The following KIF13B variants were observed in gnomAD, a reference collection of about 807,000 sequenced individuals.
KIF13B encodes kinesin-like protein KIF13B.
A neutral mutation model predicts 222.0 loss-of-function variants in KIF13B; 127 were observed. The ratio of observed to expected loss-of-function variants is 0.57; its 90% CI spans 0.50 to 0.66. The LOEUF (loss-of-function observed/expected upper bound fraction) is 0.66, where lower values mean the gene tolerates loss of function less well. KIF13B is among the 30% of genes least tolerant of loss of function. KIF13B has a pLI of 0.00. For missense variants in KIF13B, 2,173 were observed against 2,379.0 expected (o/e 0.91, Z 1.80); for synonymous variants, 976 against 919.0 (o/e 1.06, Z -1.12).
chr8:29,238,461 G>T (rs1427111379), intron 2 of KIF13B, among the ~76,000 whole-genome samples: 1 of 152,184 alleles, frequency 6.6e-6, no homozygotes, highest in Non-Finnish European at 1.5e-5. Flanking sequence ...ATTACCTAAT[G>T]ATACTGACTA....
intron 24 of KIF13B, among the ~76,000 whole-genome samples, chr8:29,129,069 C>T (rs763825474): frequency 6.6e-6 from 1 of 152,034 alleles, no homozygotes; most frequent in South Asian, 2.1e-4. Flanking sequence ...GTGAAAATTG[C>T]GGTTTTTGCC....
At chr8:29,203,668 G>A (rs1301218920) in intron 2 of KIF13B, among the ~76,000 whole-genome samples, 3 of 151,992 alleles carry the variant, frequency 2.0e-5, no homozygotes, top group Non-Finnish European at 2.9e-5. Context: ...TGAGGCAGGC[G>A]GATCACAAGG....
chr8:29,186,732 G>T (rs1476917022), intron 5 of KIF13B, among the ~76,000 whole-genome samples: 2 of 152,070 alleles, frequency 1.3e-5, no homozygotes, highest in Admixed American at 1.3e-4. Flanking sequence ...GCTGAGGTGG[G>T]CAGATTGCCT....
At chr8:29,145,894 A>G (rs1811040196) in intron 18 of KIF13B, 1 of 157,396 alleles carries the variant, frequency 6.4e-6, no homozygotes, top group East Asian at 1.9e-4. Flanking sequence ...ACATTTTATT[A>G]AATTTATTAT....
chr8:29,196,572 A>T (rs983503928), intron 2 of KIF13B, among the ~76,000 whole-genome samples: 1 of 152,152 alleles, frequency 6.6e-6, no homozygotes, highest in African/African-American at 2.4e-5. Flanking sequence ...AGTTCCAAGT[A>T]GTTTTCTCTG....
At chr8:29,139,647 G>C (rs1462386571) in intron 21 of KIF13B, among the ~76,000 whole-genome samples, 1 of 152,170 alleles carries the variant, frequency 6.6e-6, no homozygotes, top group Non-Finnish European at 1.5e-5. Context: ...CTGGGAAAGA[G>C]GACTGGTTCT....
intron 31 of KIF13B, 35 bp downstream of exon 31, chr8:29,116,796 T>G (rs1011405466): frequency 6.4e-6 from 10 of 1,569,136 alleles, no homozygotes; most frequent in Non-Finnish European, 7.0e-6. Context: ...AGGTCGCAAC[T>G]GTGGTTAGAG....
intron 14 of KIF13B, among the ~76,000 whole-genome samples, chr8:29,152,567 C>A (rs1289585890): frequency 1.3e-5 from 2 of 152,040 alleles, no homozygotes; most frequent in African/African-American, 4.8e-5. Context: ...AAGGCTACCC[C>A]CTGCTGAAGG....
At position 29,132,361 on chromosome 8, in the gene KIF13B, G is replaced by T; in HGVS notation, c.2889C>A (p.Pro963=). Residue 963 remains proline (P), a synonymous_variant, in exon 23 of 40, where the codon CCC becomes CCA. Transcript: ENST00000524189. ...GGATGATTCCCAAATCCCACAGGGC[G>T]GGGTTTTTCCGGGGATCGTTTATTT... ...GHKINDPRKN[P]ALWDLGIIQA... is the part of the protein sequence containing the mutation. The T allele has an allele frequency of 1.3e-6, 2 of 1,591,836 alleles. No individual in the cohort carries two copies. The highest frequency in any genetic ancestry group is 1.7e-6 in the Non-Finnish European group (2 of 1,168,146).
At chr8:29,237,133 T>C (rs1815546774) in intron 2 of KIF13B, among the ~76,000 whole-genome samples, 1 of 152,156 alleles carries the variant, frequency 6.6e-6, no homozygotes, top group South Asian at 2.1e-4. Flanking sequence ...TCATGTCACA[T>C]TTCCTCAAGG....
intron 26 of KIF13B, among the ~76,000 whole-genome samples, chr8:29,124,612 A>C (rs760676792): frequency 6.6e-6 from 1 of 152,068 alleles, no homozygotes; most frequent in Non-Finnish European, 1.5e-5. Flanking sequence ...GGCCAGGCGC[A>C]GTGGCTCACA....
At chr8:29,186,520 A>C in intron 5 of KIF13B, 48 bp from the exon 6 acceptor site, 1 of 1,476,302 alleles carries the variant, frequency 6.8e-7, no homozygotes, top group South Asian at 1.2e-5. Flanking sequence ...GAGACGTTAA[A>C]TACATAACCC....
At chr8:29,149,645 A>C (rs917249981) in intron 15 of KIF13B, among the ~76,000 whole-genome samples, 7 of 152,208 alleles carry the variant, frequency 4.6e-5, no homozygotes, top group Admixed American at 3.3e-4. Flanking sequence ...TGAACAGGAC[A>C]GTCAGGGCTA....
chr8:29,206,545 T>TA (rs1402195023), intron 2 of KIF13B, among the ~76,000 whole-genome samples: 4 of 152,310 alleles, frequency 2.6e-5, no homozygotes, highest in Non-Finnish European at 5.9e-5. Context: ...AAAAACAGCT[T>TA]AACTGAAGAT....
chr8:29,100,952 C>T (rs999221621), intron 35 of KIF13B, among the ~76,000 whole-genome samples: 3 of 152,270 alleles, frequency 2.0e-5, no homozygotes, highest in African/African-American at 7.2e-5. Flanking sequence ...GAGAATGCCA[C>T]TTTTCCCTAG....
At chr8:29,099,354 A>G in intron 35 of KIF13B, 113 bp from the exon 36 acceptor site, 1 of 711,826 alleles carries the variant, frequency 1.4e-6, no homozygotes, top group Non-Finnish European at 2.4e-6. Context: ...GCTCCTTTGA[A>G]TATAAGCTTG....
chr8:29,071,826 G>A lies in KIF13B; in HGVS notation c.5012C>T (p.Pro1671Leu), dbSNP rs989640527. ...RMLAGDPGCS[P>L]GAEGNAPAPG... ...GGCCGGCGCATTCCCCTCGGCCCCC[G>A]GGGAGCAGCCGGGGTCCCCAGCCAG... Residue 1671 changes from proline to leucine, a missense_variant, in exon 39 of 40, where the codon CCG becomes CTG. Pro to Leu is a moderately conservative substitution (Grantham distance 98, BLOSUM62 -3). Around this residue, in one of 2 missense-constraint regions of KIF13B, gnomAD observed 693 missense variants for 656.2 expected, o/e 1.06. Transcript: ENST00000524189. This position sits in a 1 kb window ranked among gnomAD's most constrained non-coding sequence, Gnocchi z 4.9. The A allele has an allele frequency of 7.1e-6, 11 of 1,542,124 alleles. No homozygotes were observed. The East Asian group carries it at 9.8e-5, about 14-fold the overall frequency.
At position 29,146,578 on chromosome 8, in the gene KIF13B, G is replaced by A. The variant is rs368320165; in HGVS notation, c.2025-38C>T. On this transcript the variant is annotated intron_variant, in intron 17 of 39. Coordinates refer to ENST00000524189, the MANE Select transcript of KIF13B (RefSeq NM_015254.4). ...AAAGAAGCGGCAGAGGTAGGGAAGA[G>A]ATTAACACAAAGCAGCTAGTCAGAA... 423 of 1,576,024 alleles carry A rather than the reference G, an allele frequency of 2.7e-4. 2 individuals carry two copies. In the African/African-American group the frequency reaches 5.1e-3, roughly 19 times the overall value.
At chr8:29,258,283 C>T (rs1289218802) in intron 1 of KIF13B, among the ~76,000 whole-genome samples, 1 of 152,286 alleles carries the variant, frequency 6.6e-6, no homozygotes, top group East Asian at 1.9e-4. Context: ...TAATTTTGAC[C>T]GACTTCCTTA....
Sources: allele counts gnomAD v4.1 joint callset (sites outside exome capture counted in the v4.1 genomes callset), GRCh38; gene constraint gnomAD v4.1.1; regional missense constraint gnomAD v4.1.1; non-coding constraint Gnocchi (gnomAD v3.1); transcripts MANE v1.5; gene names NCBI Gene and HGNC (gene_info 2026-07-23, HGNC 2026-07-21).